Variants in MYO16 observed in about 807,000 individuals in gnomAD.
The protein encoded by MYO16 is unconventional myosin-XVI.
In MYO16, 94 loss-of-function variants were observed where a neutral mutation model predicts 205.3. That is an observed-to-expected ratio of 0.46 (90% confidence interval 0.39 to 0.54). The LOEUF is 0.54. Among genes scored for constraint, MYO16 ranks in the 20% least tolerant of loss-of-function variants. The pLI is 0.00. For missense variants in MYO16, 2,315 were observed against 2,387.5 expected (o/e 0.97, Z 0.63); for synonymous variants, 988 against 954.0 (o/e 1.04, Z -0.66).
chr13:108,677,925 A>C (rs547883017), intron 2 of MYO16, among the ~76,000 whole-genome samples: 2 of 152,350 alleles, frequency 1.3e-5, no homozygotes, highest in African/African-American at 4.8e-5. Flanking sequence ...TGCTCACAAC[A>C]GTCTATGAGA....
chr13:109,042,376 T>C (rs1886910847), intron 23 of MYO16, among the ~76,000 whole-genome samples: 1 of 152,216 alleles, frequency 6.6e-6, no homozygotes, highest in Non-Finnish European at 1.5e-5. Flanking sequence ...GATCCAGTAC[T>C]CAATCACACA....
In MYO16 at chr13:108,992,362, T is replaced by C; in HGVS notation, c.2370-14T>C. 1 of 1,597,386 alleles carries C rather than the reference T, an allele frequency of 6.3e-7. No individual in the cohort carries two copies. Among genetic ancestry groups the C allele is most frequent in the Non-Finnish European group, 8.6e-7 (1 of 1,167,554 alleles). On this transcript the variant is annotated splice_polypyrimidine_tract_variant and intron_variant, in intron 20 of 34. Transcript: ENST00000457511. Reference sequence around the variant, plus strand: ...AAGGATGCCCATTTATCCTGGTGTATTGTTTTGTTTCAGCATGCAGACATT... The same window carrying C: ...AAGGATGCCCATTTATCCTGGTGTACTGTTTTGTTTCAGCATGCAGACATT...
chr13:108,758,317 T>C (rs1290767302), intron 4 of MYO16, among the ~76,000 whole-genome samples: 1 of 152,234 alleles, frequency 6.6e-6, no homozygotes, highest in Non-Finnish European at 1.5e-5. Flanking sequence ...TTGTTTCCTA[T>C]AAGTCAGTAA....
Position 109,055,544 on chromosome 13 carries a change from T to C in MYO16, c.3284T>C (p.Ile1095Thr). The change falls in exon 27 of 35, where the codon ATC becomes ACC. Residue 1095 changes from isoleucine (I) to threonine (T), a missense_variant. Transcript: ENST00000457511. This position sits in a 1 kb window ranked among gnomAD's most constrained non-coding sequence, Gnocchi z 5.0. Reference protein sequence around the residue: ...QYIGVLEMVKIFRYGYPVRLS... With the variant: ...QYIGVLEMVKTFRYGYPVRLS... ...ATTGGGGTCCTGGAGATGGTGAAGA[T>C]CTTCCGATATGGATACCCTGTTCGC... is the stretch of plus-strand genomic sequence containing the variant. 1 of 1,613,088 alleles carries C rather than the reference T, an allele frequency of 6.2e-7. No individual in the cohort carries two copies. Among genetic ancestry groups the C allele is most frequent in the Non-Finnish European group, 8.5e-7 (1 of 1,179,458 alleles).
At chr13:108,753,028 A>G (rs1168174665) in intron 4 of MYO16, among the ~76,000 whole-genome samples, 1 of 151,912 alleles carries the variant, frequency 6.6e-6, no homozygotes, top group Non-Finnish European at 1.5e-5. Context: ...GATAGATGAG[A>G]CATTACACCA....
At chr13:108,563,062 C>T in the MYO16 span, among the ~76,000 whole-genome samples, 1 of 152,148 alleles carries the variant, frequency 6.6e-6, no homozygotes, top group East Asian at 1.9e-4. Context: ...ATCCAATTGC[C>T]TTACTAGGAA....
intron 9 of MYO16, among the ~76,000 whole-genome samples, chr13:108,831,814 A>C (rs142833228): frequency 1.6e-3 from 243 of 152,210 alleles, no homozygotes; most frequent in Admixed American, 3.3e-3. Flanking sequence ...TGCCCAGCTG[A>C]AAGTTACTTT....
chr13:108,823,611 G>T (rs1292287908), intron 9 of MYO16, among the ~76,000 whole-genome samples: 1 of 152,056 alleles, frequency 6.6e-6, no homozygotes, highest in East Asian at 1.9e-4. Flanking sequence ...TCCTGAAATA[G>T]AAAATACTGA....
chr13:109,067,420 A>T (rs1031373932), intron 27 of MYO16, among the ~76,000 whole-genome samples: 1 of 152,132 alleles, frequency 6.6e-6, no homozygotes, highest in African/African-American at 2.4e-5. Flanking sequence ...AGTTCCCAGG[A>T]GGTAGGTTCA....
At chr13:108,992,832 T>C (rs1468084822) in intron 21 of MYO16, among the ~76,000 whole-genome samples, 1 of 152,220 alleles carries the variant, frequency 6.6e-6, no homozygotes, top group Non-Finnish European at 1.5e-5. Context: ...CTACATGCTG[T>C]TATTTGTAGA....
intron 2 of MYO16, among the ~76,000 whole-genome samples, chr13:108,684,126 G>C (rs565373341): frequency 3.3e-5 from 5 of 152,134 alleles, no homozygotes; most frequent in Non-Finnish European, 5.9e-5. Context: ...CGCCCGCCTC[G>C]GCCTCCCGAA....
At chr13:109,007,170 C>T (rs1384362638) in intron 21 of MYO16, among the ~76,000 whole-genome samples, 1 of 152,024 alleles carries the variant, frequency 6.6e-6, no homozygotes, top group Admixed American at 6.5e-5. Flanking sequence ...GGGTGGATCA[C>T]GAGGTCAGGA....
intron 15 of MYO16, among the ~76,000 whole-genome samples, chr13:108,904,395 A>G (rs1464956815): frequency 3.3e-5 from 5 of 152,198 alleles, no homozygotes; most frequent in Non-Finnish European, 5.9e-5. Context: ...TTTGCCAACA[A>G]TGACTTAGTT....
chr13:109,069,504 T>C (rs9555551), intron 27 of MYO16, among the ~76,000 whole-genome samples: 88,663 of 151,718 alleles, frequency 0.58, 25,944 homozygotes, highest in Admixed American at 0.61. Context: ...CATTCATTTT[T>C]TCACAGTCTG....
intron 16 of MYO16, among the ~76,000 whole-genome samples, chr13:108,944,047 A>G (rs1030680520): frequency 6.6e-6 from 1 of 152,214 alleles, no homozygotes; most frequent in Non-Finnish European, 1.5e-5. Flanking sequence ...CCAGCCCCAA[A>G]TAATCCGAAC....
chr13:108,972,241 C>A (rs1333014454), intron 20 of MYO16, among the ~76,000 whole-genome samples: 13 of 13,970 alleles, frequency 9.3e-4, no homozygotes, highest in Non-Finnish European at 1.5e-3. Flanking sequence ...CTCTCTCTCT[C>A]TCTCTCTCTA....
At chr13:108,618,679 A>G (rs940298684) in intron 1 of MYO16, among the ~76,000 whole-genome samples, 2 of 152,230 alleles carry the variant, frequency 1.3e-5, no homozygotes, top group Non-Finnish European at 2.9e-5. Flanking sequence ...GCAAAAGTAC[A>G]GTAGCCTGTC....
intron 4 of MYO16, among the ~76,000 whole-genome samples, chr13:108,759,622 C>A (rs925390268): frequency 1.3e-5 from 2 of 152,036 alleles, no homozygotes; most frequent in Non-Finnish European, 1.5e-5. Context: ...GAGATTGAGA[C>A]CATCCTGGCT....
chr13:108,613,655 T>C (rs1879252921), intron 1 of MYO16, among the ~76,000 whole-genome samples: 1 of 152,142 alleles, frequency 6.6e-6, no homozygotes, highest in Non-Finnish European at 1.5e-5. Context: ...ATTTATTCAC[T>C]ATGACCAAGT....
Sources: allele counts gnomAD v4.1 joint callset (sites outside exome capture counted in the v4.1 genomes callset), GRCh38; gene constraint gnomAD v4.1.1; non-coding constraint Gnocchi (gnomAD v3.1); transcripts MANE v1.5; gene names NCBI Gene and HGNC (gene_info 2026-07-23, HGNC 2026-07-21).